CCDC102B: variants seen among roughly 807,000 people sequenced by gnomAD.
The protein encoded by CCDC102B is coiled-coil domain containing 102B.
In CCDC102B, 75 loss-of-function variants were observed where a neutral mutation model predicts 57.4. That is an observed-to-expected ratio of 1.31 (90% confidence interval 1.08 to 1.58). The LOEUF is 1.58. CCDC102B is among the 40% of genes most tolerant of loss of function. The pLI is 0.00. For synonymous variants in CCDC102B, 206 were observed against 201.9 expected (o/e 1.02, Z -0.17); for missense variants, 636 against 582.6 (o/e 1.09, Z -0.94).
At chr18:68,968,664 T>A (rs1329502608) in intron 6 of CCDC102B, among the ~76,000 whole-genome samples, 1 of 152,182 alleles carries the variant, frequency 6.6e-6, no homozygotes, top group African/African-American at 2.4e-5. Flanking sequence ...TCATCTTGTA[T>A]AATCATAACT....
At chr18:68,923,658 A>T (rs1599698116) in intron 6 of CCDC102B, among the ~76,000 whole-genome samples, 4 of 152,234 alleles carry the variant, frequency 2.6e-5, no homozygotes, top group Admixed American at 2.6e-4. Context: ...GAGTGAAGAA[A>T]AGCATTGTTT....
intron 3 of CCDC102B, among the ~76,000 whole-genome samples, chr18:68,843,098 T>G (rs1156729362): frequency 3.3e-5 from 5 of 152,198 alleles, no homozygotes; most frequent in Non-Finnish European, 4.4e-5. Context: ...ATGGCTTGGC[T>G]GTTTGCAACA....
At chr18:68,880,408 G>C (rs1287222270) in intron 5 of CCDC102B, among the ~76,000 whole-genome samples, 3 of 152,174 alleles carry the variant, frequency 2.0e-5, no homozygotes, top group African/African-American at 7.2e-5. Context: ...TGAGGGAGCC[G>C]GCTCCAGCCT....
chr18:69,030,027 A>G (rs2052096736), intron 7 of CCDC102B, among the ~76,000 whole-genome samples: 1 of 152,066 alleles, frequency 6.6e-6, no homozygotes, highest in South Asian at 2.1e-4. Flanking sequence ...TGCCAGCTTT[A>G]TTCTGTTTAT....
intron 5 of CCDC102B, among the ~76,000 whole-genome samples, chr18:68,882,788 G>T (rs1281748239): frequency 6.6e-6 from 1 of 152,182 alleles, no homozygotes; most frequent in Non-Finnish European, 1.5e-5. Flanking sequence ...TTCGATCCCA[G>T]AGTGTTTGGA....
intron 6 of CCDC102B, among the ~76,000 whole-genome samples, chr18:68,965,219 G>T (rs76654757): frequency 0.024 from 3,675 of 151,936 alleles, 117 homozygotes; most frequent in East Asian, 0.15. Context: ...TAGTCCCACA[G>T]ATCTCAGGAA....
At chr18:68,740,877 T>C (rs2033350007) in intron 2 of CCDC102B, among the ~76,000 whole-genome samples, 1 of 152,218 alleles carries the variant, frequency 6.6e-6, no homozygotes, top group African/African-American at 2.4e-5. Context: ...TGAATTCTAT[T>C]TGCTTTAGAA....
chr18:68,866,806 G>T (rs537191208), intron 4 of CCDC102B: 1 of 695,332 alleles, frequency 1.4e-6, no homozygotes, highest in Non-Finnish European at 2.7e-6. Context: ...TGGGAACTTT[G>T]AGTCTTATTT....
intron 2 of CCDC102B, among the ~76,000 whole-genome samples, chr18:68,748,654 C>T (rs2033724054): frequency 6.6e-6 from 1 of 152,120 alleles, no homozygotes; most frequent in Admixed American, 6.5e-5. Context: ...TAGCCTAAAG[C>T]CGAGTGCTTT....
intron 2 of CCDC102B, among the ~76,000 whole-genome samples, chr18:68,746,974 T>G (rs1034023216): frequency 1.6e-4 from 24 of 151,976 alleles, no homozygotes; most frequent in African/African-American, 5.8e-4. Context: ...CTATACACAT[T>G]TATGGGGTAC....
At chr18:69,040,997 T>A (rs1410532926) in intron 7 of CCDC102B, among the ~76,000 whole-genome samples, 2 of 151,996 alleles carry the variant, frequency 1.3e-5, no homozygotes, top group South Asian at 2.1e-4. Context: ...GCCATTACTG[T>A]TGCTGTCAGA....
intron 4 of CCDC102B, among the ~76,000 whole-genome samples, chr18:68,857,251 T>TA (rs1411052142): frequency 0.098 from 7,694 of 78,220 alleles, 1,974 homozygotes; most frequent in Non-Finnish European, 0.14. Flanking sequence ...TATATATTTA[T>TA]TATTTAAATA....
chr18:69,054,152 A>C lies in CCDC102B; in HGVS notation c.*15A>C, dbSNP rs747956429. 2.5e-6 allele frequency: 4 copies of C among 1,584,394 alleles called. No individual in the cohort carries two copies. Among genetic ancestry groups the C allele is most frequent in the Non-Finnish European group, 3.4e-6 (4 of 1,169,802 alleles). ...AAAACTGGTAATTTTTTCACAAAAT[A>C]TGCTGAATTAAAGATTAGGGCCTTA... On this transcript the variant is annotated 3_prime_UTR_variant, in exon 8 of 8. Coordinates refer to ENST00000360242, the MANE Select transcript of CCDC102B (RefSeq NM_024781.3).
At chr18:68,745,259 C>T (rs2033566308) in intron 2 of CCDC102B, among the ~76,000 whole-genome samples, 1 of 151,760 alleles carries the variant, frequency 6.6e-6, no homozygotes, top group Admixed American at 6.6e-5. Context: ...TTCAGCTGCC[C>T]ATGTTATGCA....
chr18:68,976,807 C>G (rs1392732549), intron 6 of CCDC102B, among the ~76,000 whole-genome samples: 1 of 151,818 alleles, frequency 6.6e-6, no homozygotes, highest in Non-Finnish European at 1.5e-5. Context: ...ATTTCCTTGG[C>G]CTTTTTTTTA....
intron 6 of CCDC102B, among the ~76,000 whole-genome samples, chr18:68,979,459 T>G (rs1049567826): frequency 6.6e-6 from 1 of 151,850 alleles, no homozygotes; most frequent in Non-Finnish European, 1.5e-5. Flanking sequence ...AAAAAACAAG[T>G]CGGCCAAGCT....
intron 2 of CCDC102B, among the ~76,000 whole-genome samples, chr18:68,722,257 A>T (rs2032372768): frequency 6.6e-6 from 1 of 152,212 alleles, no homozygotes; most frequent in Non-Finnish European, 1.5e-5. Flanking sequence ...TGTAGTAAAG[A>T]AAGGACAGTC....
chr18:68,963,005 T>G (rs887706216), intron 6 of CCDC102B, among the ~76,000 whole-genome samples: 5 of 152,070 alleles, frequency 3.3e-5, no homozygotes, highest in African/African-American at 9.6e-5. Flanking sequence ...ATATATTTAT[T>G]TATTACACGG....
At chr18:69,056,811 G>A (rs754194224), downstream of CCDC102B, among the ~76,000 whole-genome samples, 13 of 151,932 alleles carry the variant, frequency 8.6e-5, no homozygotes, top group South Asian at 2.1e-4. Context: ...AAGTGTACAG[G>A]TCAGTAGTGT....
Sources: allele counts gnomAD v4.1 joint callset (sites outside exome capture counted in the v4.1 genomes callset), GRCh38; gene constraint gnomAD v4.1.1; transcripts MANE v1.5; gene names NCBI Gene and HGNC (gene_info 2026-07-23, HGNC 2026-07-21).